PPP2R5E: variants seen among roughly 807,000 people sequenced by gnomAD.
The protein encoded by PPP2R5E is serine/threonine-protein phosphatase 2A 56 kDa regulatory subunit epsilon isoform.
PPP2R5E carries 4 observed loss-of-function variants against 65.3 expected under a neutral mutation model. The observed-to-expected ratio is 0.06, with a 90% CI of 0.03 to 0.14. The LOEUF (loss-of-function observed/expected upper bound fraction) is 0.14, where lower values mean the gene tolerates loss of function less well. Ranked by LOEUF, PPP2R5E falls within the 10% of genes least tolerant of loss-of-function variation. The pLI, the probability that PPP2R5E is intolerant of heterozygous loss-of-function variation, is 1.00. For missense variants in PPP2R5E, 274 were observed against 556.1 expected, an observed-to-expected ratio of 0.49 and a Z score of 5.10; for synonymous variants, 183 against 187.4, an observed-to-expected ratio of 0.98 and a Z score of 0.19.
chr14:63,379,826 CTT>C (rs558475440), intron 13 of PPP2R5E, among the ~76,000 whole-genome samples: 29 of 100,272 alleles, frequency 2.9e-4, no homozygotes, highest in Non-Finnish European at 3.7e-4. Context: ...TATTCTCTCT[CTT>C]TTTTTTTTTT....
chr14:63,415,689 A>G (rs1040616458), intron 4 of PPP2R5E, among the ~76,000 whole-genome samples: 3 of 152,190 alleles, frequency 2.0e-5, no homozygotes, highest in African/African-American at 7.2e-5. Flanking sequence ...ATTTACATCA[A>G]TAATATCTCA....
At chr14:63,461,343 G>GA (rs112704969) in intron 2 of PPP2R5E, among the ~76,000 whole-genome samples, 159 of 136,568 alleles carry the variant, frequency 1.2e-3, no homozygotes, top group Middle Eastern at 3.7e-3. Context: ...TAAAATTACA[G>GA]AAAAAAAAAA....
intron 10 of PPP2R5E, among the ~76,000 whole-genome samples, chr14:63,390,295 G>GACACACACACACAC (rs59239063): frequency 1.9e-4 from 27 of 140,178 alleles, no homozygotes; most frequent in African/African-American, 6.7e-4. Flanking sequence ...ACGCATTCTC[G>GACACACACACACAC]ACACACACAC....
At chr14:63,530,022 T>G (rs1449661457) in intron 2 of PPP2R5E, among the ~76,000 whole-genome samples, 3 of 152,114 alleles carry the variant, frequency 2.0e-5, no homozygotes, top group Non-Finnish European at 1.5e-5. Flanking sequence ...AGCCAAAAAC[T>G]CTTAACTATA....
At chr14:63,408,916 G>A (rs1313976103) in intron 5 of PPP2R5E, among the ~76,000 whole-genome samples, 2 of 152,270 alleles carry the variant, frequency 1.3e-5, no homozygotes, top group East Asian at 3.9e-4. Flanking sequence ...CCAACATGGT[G>A]AAACCACGTC....
intron 3 of PPP2R5E, among the ~76,000 whole-genome samples, chr14:63,427,412 AAAG>A (rs1197456978): frequency 6.6e-6 from 1 of 152,204 alleles, no homozygotes; most frequent in Non-Finnish European, 1.5e-5. Context: ...GTAAAAAAAA[AAAG>A]TTTAAGAAAT....
chr14:63,526,419 T>G (rs555352688), intron 2 of PPP2R5E, among the ~76,000 whole-genome samples: 2 of 152,278 alleles, frequency 1.3e-5, no homozygotes, highest in South Asian at 2.1e-4. Flanking sequence ...AATACAAGAG[T>G]GCTGAAGTTA....
At chr14:63,429,835 A>C (rs1161223917) in intron 3 of PPP2R5E, among the ~76,000 whole-genome samples, 1 of 151,902 alleles carries the variant, frequency 6.6e-6, no homozygotes, top group Non-Finnish European at 1.5e-5. Context: ...GGTACCCGCC[A>C]CCACGTCCAG....
chr14:63,510,346 A>C (rs1217496995), intron 2 of PPP2R5E, among the ~76,000 whole-genome samples: 1 of 152,216 alleles, frequency 6.6e-6, no homozygotes, highest in African/African-American at 2.4e-5. Context: ...TGCACCAGGC[A>C]CTGTTCTAGG....
chr14:63,522,365 C>T (rs1352210854), intron 2 of PPP2R5E, among the ~76,000 whole-genome samples: 1 of 151,328 alleles, frequency 6.6e-6, no homozygotes, highest in Admixed American at 6.6e-5. Context: ...CCGGCCGCCA[C>T]CCCGTCTGGG....
At chr14:63,514,256 T>C (rs1398836756) in intron 2 of PPP2R5E, among the ~76,000 whole-genome samples, 2 of 152,094 alleles carry the variant, frequency 1.3e-5, no homozygotes, top group African/African-American at 4.8e-5. Flanking sequence ...ATTCCACACC[T>C]CCTACATGCC....
At chr14:63,398,040 G>C (rs755800537) in intron 5 of PPP2R5E, among the ~76,000 whole-genome samples, 6 of 152,084 alleles carry the variant, frequency 3.9e-5, no homozygotes, top group Non-Finnish European at 5.9e-5. Flanking sequence ...TGAATAACAT[G>C]TTTAAGTTCC....
At chr14:63,486,151 G>A (rs776171310) in intron 2 of PPP2R5E, among the ~76,000 whole-genome samples, 7 of 151,924 alleles carry the variant, frequency 4.6e-5, no homozygotes, top group Admixed American at 2.0e-4. Flanking sequence ...TTTTGATGGC[G>A]AAGTCCCCTA....
intron 2 of PPP2R5E, among the ~76,000 whole-genome samples, chr14:63,505,793 CAGTT>C (rs949589658): frequency 6.6e-5 from 10 of 152,210 alleles, no homozygotes; most frequent in East Asian, 1.9e-4. Context: ...ACCAGAAACT[CAGTT>C]AGGAACATAG....
chr14:63,503,972 C>T (rs145658641), intron 2 of PPP2R5E, among the ~76,000 whole-genome samples: 67 of 152,238 alleles, frequency 4.4e-4, no homozygotes, highest in Middle Eastern at 6.8e-3. Context: ...AAATCACACG[C>T]CAGTGTCCTC....
chr14:63,522,892 C>T, intron 2 of PPP2R5E, among the ~76,000 whole-genome samples: 1 of 148,502 alleles, frequency 6.7e-6, no homozygotes, highest in South Asian at 2.1e-4. Context: ...GCCAGCCGCC[C>T]CGTCCGGGAG....
At chr14:63,509,583 T>C (rs2139694362) in intron 2 of PPP2R5E, among the ~76,000 whole-genome samples, 1 of 152,292 alleles carries the variant, frequency 6.6e-6, no homozygotes, top group Admixed American at 6.5e-5. Context: ...GGCCTAATTT[T>C]AAATATTCTG....
intron 3 of PPP2R5E, among the ~76,000 whole-genome samples, chr14:63,449,174 G>T (rs1888672340): frequency 6.6e-6 from 1 of 152,144 alleles, no homozygotes; most frequent in Non-Finnish European, 1.5e-5. Context: ...TTCTGGTGAA[G>T]TGATTTTGTT....
intron 2 of PPP2R5E, among the ~76,000 whole-genome samples, chr14:63,484,010 T>G (rs1304105450): frequency 2.0e-5 from 3 of 150,666 alleles, no homozygotes; most frequent in African/African-American, 7.3e-5. Flanking sequence ...CTTGAACTGG[T>G]GAGGCGGAGG....
Sources: allele counts gnomAD v4.1 joint callset (sites outside exome capture counted in the v4.1 genomes callset), GRCh38; gene constraint gnomAD v4.1.1; transcripts MANE v1.5; gene names NCBI Gene and HGNC (gene_info 2026-07-23, HGNC 2026-07-21).